SUPT3H: variants seen among roughly 807,000 people sequenced by gnomAD.
The protein encoded by SUPT3H is transcription initiation protein SPT3 homolog.
In SUPT3H, 44 loss-of-function variants were observed where a neutral mutation model predicts 44.3. The ratio of observed to expected loss-of-function variants is 0.99; its 90% CI spans 0.78 to 1.28. The LOEUF is 1.28. Among genes scored for constraint, SUPT3H ranks in the 50% most tolerant of loss-of-function variants. The pLI is 0.00. For synonymous variants in SUPT3H, 124 were observed against 125.6 expected, an observed-to-expected ratio of 0.99 and a Z score of 0.09; for missense variants, 380 against 387.1, an observed-to-expected ratio of 0.98 and a Z score of 0.15.
At chr6:45,331,382 C>T (rs2150082132) in intron 2 of SUPT3H, among the ~76,000 whole-genome samples, 1 of 152,034 alleles carries the variant, frequency 6.6e-6, no homozygotes, top group East Asian at 1.9e-4. Flanking sequence ...TGTGTGAACA[C>T]TGATTTCCAA....
chr6:45,192,210 T>C (rs1035988718), intron 2 of SUPT3H, among the ~76,000 whole-genome samples: 1 of 152,172 alleles, frequency 6.6e-6, no homozygotes, highest in Non-Finnish European at 1.5e-5. Flanking sequence ...CTTAGTCATC[T>C]GATGAAAGGA....
At chr6:45,140,026 C>T (rs555032598) in intron 2 of SUPT3H, among the ~76,000 whole-genome samples, 25 of 152,164 alleles carry the variant, frequency 1.6e-4, no homozygotes, top group South Asian at 6.2e-4. Flanking sequence ...AAGGTCTGAG[C>T]GGGGTACTAT....
chr6:45,110,800 A>G (rs73447084), intron 2 of SUPT3H, among the ~76,000 whole-genome samples: 1 of 152,114 alleles, frequency 6.6e-6, no homozygotes, highest in Non-Finnish European at 1.5e-5. Flanking sequence ...CAATTGACCT[A>G]TTCTCCTCAC....
intron 4 of SUPT3H, among the ~76,000 whole-genome samples, chr6:45,015,797 G>GCACA (rs975618953): frequency 6.9e-5 from 10 of 144,754 alleles, no homozygotes; most frequent in South Asian, 2.2e-4. Context: ...ACACGCGCGC[G>GCACA]CACACACACA....
At chr6:45,209,454 TA>T (rs1763734977) in intron 2 of SUPT3H, among the ~76,000 whole-genome samples, 1 of 152,148 alleles carries the variant, frequency 6.6e-6, no homozygotes, top group African/African-American at 2.4e-5. Flanking sequence ...GGATAACTTT[TA>T]GGGATTCAAA....
intron 10 of SUPT3H, among the ~76,000 whole-genome samples, chr6:44,880,311 C>T (rs186569488): frequency 5.3e-4 from 80 of 151,672 alleles, no homozygotes; most frequent in African/African-American, 1.9e-3. Flanking sequence ...ATCGATCAAG[C>T]GGAAGAAAGG....
At chr6:44,905,928 A>T (rs1244021428) in intron 10 of SUPT3H, among the ~76,000 whole-genome samples, 1 of 152,182 alleles carries the variant, frequency 6.6e-6, no homozygotes, top group Non-Finnish European at 1.5e-5. Context: ...GCAAGGACAA[A>T]AAAACCAAAC....
intron 2 of SUPT3H, among the ~76,000 whole-genome samples, chr6:45,281,209 C>T (rs142055915): frequency 1.1e-4 from 17 of 152,282 alleles, no homozygotes; most frequent in East Asian, 1.9e-4. Flanking sequence ...ACTGAGGTAC[C>T]GGTTCATCTC....
chr6:45,015,978 G>A (rs1025546141), intron 4 of SUPT3H, among the ~76,000 whole-genome samples: 1 of 152,014 alleles, frequency 6.6e-6, no homozygotes, highest in Non-Finnish European at 1.5e-5. Context: ...ACAACCTCAG[G>A]TGGTTCACAG....
chr6:44,979,250 C>T (rs910152923), intron 6 of SUPT3H, among the ~76,000 whole-genome samples: 5 of 151,982 alleles, frequency 3.3e-5, no homozygotes, highest in African/African-American at 1.2e-4. Context: ...TTTTGATTAA[C>T]AAAAAAGCCT....
chr6:45,187,539 C>G (rs1386816955), intron 2 of SUPT3H, among the ~76,000 whole-genome samples: 1 of 152,106 alleles, frequency 6.6e-6, no homozygotes, highest in East Asian at 1.9e-4. Flanking sequence ...GTTAATCTGT[C>G]TTTTCTTATA....
chr6:45,014,756 T>A (rs1783991513), intron 5 of SUPT3H, 45 bp downstream of exon 5: 13 of 1,364,216 alleles, frequency 9.5e-6, no homozygotes, highest in Non-Finnish European at 1.3e-5. Flanking sequence ...CCAGCACACA[T>A]GTGTCATAAG....
intron 2 of SUPT3H, among the ~76,000 whole-genome samples, chr6:45,227,105 A>G (rs1767090237): frequency 6.6e-6 from 1 of 151,370 alleles, no homozygotes; most frequent in South Asian, 2.1e-4. Flanking sequence ...TCAGCCTCCC[A>G]AAATGCTGGA....
At chr6:45,087,561 A>T (rs1192382262) in intron 3 of SUPT3H, among the ~76,000 whole-genome samples, 5 of 151,902 alleles carry the variant, frequency 3.3e-5, no homozygotes, top group Non-Finnish European at 7.4e-5. Context: ...ATTAGCAATA[A>T]TAATAAAAGG....
chr6:45,333,632 A>C (rs1344175815), intron 2 of SUPT3H, among the ~76,000 whole-genome samples: 2 of 151,440 alleles, frequency 1.3e-5, no homozygotes, highest in African/African-American at 2.4e-5. Context: ...ATCATTTAAC[A>C]TGATATAAAA....
chr6:45,157,771 A>G (rs1278440040), intron 2 of SUPT3H, among the ~76,000 whole-genome samples: 1 of 151,210 alleles, frequency 6.6e-6, no homozygotes, highest in Non-Finnish European at 1.5e-5. Context: ...CTGGTCTCAA[A>G]CTCCTGACCT....
intron 6 of SUPT3H, among the ~76,000 whole-genome samples, chr6:44,972,094 C>T (rs62436396): frequency 0.21 from 31,194 of 152,066 alleles, 3,907 homozygotes; most frequent in Non-Finnish European, 0.29. Context: ...AAAGTCTTAA[C>T]TCATTCCAGC....
chr6:45,349,020 G>A (rs1251697448), intron 2 of SUPT3H, among the ~76,000 whole-genome samples: 1 of 152,114 alleles, frequency 6.6e-6, no homozygotes, highest in Non-Finnish European at 1.5e-5. Flanking sequence ...GAATTTATGA[G>A]TGGAAAGAGG....
At chr6:44,951,589 G>T (rs890263466) in intron 9 of SUPT3H, among the ~76,000 whole-genome samples, 1 of 152,108 alleles carries the variant, frequency 6.6e-6, no homozygotes, top group Non-Finnish European at 1.5e-5. Context: ...TTGTCAGGAG[G>T]CTCTCTGACA....
Sources: allele counts gnomAD v4.1 joint callset (sites outside exome capture counted in the v4.1 genomes callset), GRCh38; gene constraint gnomAD v4.1.1; transcripts MANE v1.5; gene names NCBI Gene and HGNC (gene_info 2026-07-23, HGNC 2026-07-21).